Variants in LGSN observed in about 807,000 individuals in gnomAD.
LGSN encodes lengsin, lens protein with glutamine synthetase domain.
LGSN carries 21 observed loss-of-function variants against 19.5 expected under a neutral mutation model. That is an observed-to-expected ratio of 1.07 (90% CI 0.76 to 1.55). LGSN has a LOEUF of 1.55. Among genes scored for constraint, LGSN ranks in the 40% most tolerant of loss-of-function variants. The pLI, the probability that LGSN is intolerant of heterozygous loss-of-function variation, is 0.00. For missense variants in LGSN, 673 were observed against 608.5 expected (o/e 1.11, Z -1.12); for synonymous variants, 257 against 215.6 (o/e 1.19, Z -1.68).
At chr6:63,458,086 A>T in the LGSN span, among the ~76,000 whole-genome samples, 4 of 147,702 alleles carry the variant, frequency 2.7e-5, no homozygotes, top group Non-Finnish European at 6.0e-5. Context: ...ATTTATTTTT[A>T]GACAGAGTTT....
At chr6:63,442,400 A>C in the LGSN span, among the ~76,000 whole-genome samples, 1 of 152,166 alleles carries the variant, frequency 6.6e-6, no homozygotes, top group African/African-American at 2.4e-5. Context: ...CCCCACCCAC[A>C]TCCTGATGAT....
At chr6:63,423,287 T>C in the LGSN span, among the ~76,000 whole-genome samples, 1 of 152,196 alleles carries the variant, frequency 6.6e-6, no homozygotes, top group Non-Finnish European at 1.5e-5. Context: ...CGAACAGCAG[T>C]GACCTGCGAT....
chr6:63,518,499 A>G, the LGSN span, among the ~76,000 whole-genome samples: 1 of 152,238 alleles, frequency 6.6e-6, no homozygotes, highest in Non-Finnish European at 1.5e-5. Flanking sequence ...TAGTCCACCT[A>G]ATCAGAATTC....
the LGSN span, among the ~76,000 whole-genome samples, chr6:63,564,287 A>AAG: frequency 3.3e-5 from 5 of 152,042 alleles, no homozygotes; most frequent in Admixed American, 3.3e-4. Flanking sequence ...AAAAAAAAAA[A>AAG]AAAGAGAGAA....
the LGSN span, among the ~76,000 whole-genome samples, chr6:63,514,287 G>C: frequency 6.6e-6 from 1 of 152,180 alleles, no homozygotes; most frequent in African/African-American, 2.4e-5. Context: ...GAATACAGTG[G>C]CACAATCTCG....
chr6:63,570,232 G>C, the LGSN span, among the ~76,000 whole-genome samples: 1 of 152,212 alleles, frequency 6.6e-6, no homozygotes, highest in African/African-American at 2.4e-5. Context: ...TTGGGAGGCT[G>C]AGGCAGGAGA....
At chr6:63,430,513 T>C in the LGSN span, among the ~76,000 whole-genome samples, 1 of 152,084 alleles carries the variant, frequency 6.6e-6, no homozygotes, top group Non-Finnish European at 1.5e-5. Context: ...CTCAGACTCC[T>C]GAGTGGCTGG....
chr6:63,378,034 GAA>G, the LGSN span, among the ~76,000 whole-genome samples: 9 of 85,476 alleles, frequency 1.1e-4, no homozygotes, highest in South Asian at 4.2e-4. Flanking sequence ...CCAGATTTTT[GAA>G]AAAAAAAAAA....
the LGSN span, among the ~76,000 whole-genome samples, chr6:63,436,911 C>A: frequency 6.6e-6 from 1 of 151,884 alleles, no homozygotes; most frequent in Admixed American, 6.6e-5. Context: ...GTGGTATGCA[C>A]CTGTAATCCC....
chr6:63,550,117 T>G, the LGSN span, among the ~76,000 whole-genome samples: 1 of 152,148 alleles, frequency 6.6e-6, no homozygotes, highest in East Asian at 1.9e-4. Context: ...AACAGATAAA[T>G]TTTAAAAGAA....
chr6:63,350,755 G>A, the LGSN span, among the ~76,000 whole-genome samples: 179 of 152,110 alleles, frequency 1.2e-3, no homozygotes, highest in South Asian at 2.1e-3. Flanking sequence ...AGGAGGCTGA[G>A]GCAAGAGAAT....
the LGSN span, among the ~76,000 whole-genome samples, chr6:63,419,584 C>T: frequency 6.6e-6 from 1 of 152,000 alleles, no homozygotes; most frequent in East Asian, 1.9e-4. Flanking sequence ...CTGCACTCTG[C>T]CTTAAGTACT....
chr6:63,450,126 C>A, the LGSN span, among the ~76,000 whole-genome samples: 5 of 147,834 alleles, frequency 3.4e-5, no homozygotes, highest in Non-Finnish European at 5.9e-5. Flanking sequence ...GCGGGTGGAT[C>A]ACATGAGGTC....
chr6:63,520,158 C>T, the LGSN span, among the ~76,000 whole-genome samples: 1 of 152,194 alleles, frequency 6.6e-6, no homozygotes, highest in Admixed American at 6.6e-5. Flanking sequence ...ACTTTTCTCT[C>T]CTCTGTATGC....
At chr6:63,547,178 T>C in the LGSN span, among the ~76,000 whole-genome samples, 11 of 150,628 alleles carry the variant, frequency 7.3e-5, no homozygotes, top group Non-Finnish European at 1.2e-4. Context: ...TACAGGCTAG[T>C]AGGGGGGAAT....
the LGSN span, among the ~76,000 whole-genome samples, chr6:63,539,811 GA>G: frequency 6.1e-4 from 93 of 151,820 alleles, no homozygotes; most frequent in African/African-American, 2.1e-3. Context: ...GCAATCTTCA[GA>G]AAAAAACTCA....
the LGSN span, among the ~76,000 whole-genome samples, chr6:63,510,828 C>T: frequency 1.3e-5 from 2 of 151,842 alleles, no homozygotes; most frequent in Admixed American, 6.6e-5. Context: ...CGCATGTCAC[C>T]ATACCTGGCT....
the LGSN span, among the ~76,000 whole-genome samples, chr6:63,492,983 T>C: frequency 6.6e-6 from 1 of 152,230 alleles, no homozygotes; most frequent in Non-Finnish European, 1.5e-5. Context: ...TTACAGACTA[T>C]TCTGCTTTGG....
the LGSN span, among the ~76,000 whole-genome samples, chr6:63,560,338 C>CAAAAAAAA: frequency 5.9e-5 from 3 of 50,448 alleles, no homozygotes; most frequent in Non-Finnish European, 1.3e-4. Flanking sequence ...GACTCCGTCT[C>CAAAAAAAA]AAAAAAAAAA....
Sources: allele counts gnomAD v4.1 joint callset (sites outside exome capture counted in the v4.1 genomes callset), GRCh38; gene constraint gnomAD v4.1.1; transcripts MANE v1.5; gene names NCBI Gene and HGNC (gene_info 2026-07-23, HGNC 2026-07-21).